Variants in INSL6 observed in about 807,000 individuals in gnomAD.
The protein encoded by INSL6 is insulin like 6.
INSL6 carries 16 observed loss-of-function variants against 9.4 expected under a neutral mutation model. The ratio of observed to expected loss-of-function variants is 1.70; its 90% CI spans 1.15 to 2.59. INSL6 has a LOEUF of 2.59. INSL6 is among the 30% of genes most tolerant of loss of function. INSL6 has a pLI of 0.00. For missense variants in INSL6, 391 were observed against 257.3 expected (o/e 1.52, Z -3.56); for synonymous variants, 154 against 96.9 (o/e 1.59, Z -3.46).
the INSL6 span, among the ~76,000 whole-genome samples, chr9:5,042,124 CTTTTTTTTTT>C: frequency 9.3e-6 from 1 of 107,610 alleles, no homozygotes; most frequent in Non-Finnish European, 1.8e-5. Flanking sequence ...GCCAAAATTT[CTTTTTTTTTT>C]TTTTTTTTTT....
the INSL6 span, among the ~76,000 whole-genome samples, chr9:5,012,256 G>T: frequency 6.6e-6 from 1 of 152,210 alleles, no homozygotes; most frequent in East Asian, 1.9e-4. Flanking sequence ...CAGGATGGAA[G>T]AAGAGTAAGT....
the INSL6 span, among the ~76,000 whole-genome samples, chr9:5,023,443 G>A: frequency 3.3e-5 from 5 of 152,020 alleles, no homozygotes; most frequent in Non-Finnish European, 7.4e-5. Flanking sequence ...CGGGGGGAGC[G>A]TGGGACCCAG....
the INSL6 span, among the ~76,000 whole-genome samples, chr9:5,086,741 GC>G: frequency 6.6e-6 from 1 of 152,034 alleles, no homozygotes; most frequent in Non-Finnish European, 1.5e-5. Context: ...ATAGCCTTTG[GC>G]TTTTTTCAAC....
chr9:5,042,857 G>T, the INSL6 span, among the ~76,000 whole-genome samples: 1 of 152,230 alleles, frequency 6.6e-6, no homozygotes, highest in South Asian at 2.1e-4. Flanking sequence ...ACCAAAGCTC[G>T]GTCGCCACAG....
intron 2 of INSL6, among the ~76,000 whole-genome samples, chr9:5,154,124 GA>G (rs58422193): frequency 0.023 from 3,540 of 152,194 alleles, 127 homozygotes; most frequent in African/African-American, 0.075. Context: ...CCAAAACAGA[GA>G]TACAGACCAA....
the INSL6 span, among the ~76,000 whole-genome samples, chr9:5,113,016 G>C: frequency 3.3e-5 from 5 of 152,014 alleles, no homozygotes; most frequent in Non-Finnish European, 7.4e-5. Flanking sequence ...GGCAAGGAAG[G>C]TGAGTGATGG....
the INSL6 span, among the ~76,000 whole-genome samples, chr9:4,996,416 CTA>C: frequency 1.3e-5 from 2 of 151,408 alleles, no homozygotes; most frequent in Non-Finnish European, 2.9e-5. Flanking sequence ...CCATTGCACT[CTA>C]GCCTGGGCAA....
At chr9:5,018,402 C>T in the INSL6 span, among the ~76,000 whole-genome samples, 3 of 152,134 alleles carry the variant, frequency 2.0e-5, no homozygotes, top group Non-Finnish European at 4.4e-5. Context: ...GTGGTGTGAT[C>T]ATGGCTCACT....
the INSL6 span, among the ~76,000 whole-genome samples, chr9:5,021,772 G>A: frequency 3.9e-5 from 6 of 152,130 alleles, no homozygotes; most frequent in South Asian, 2.1e-4. Context: ...CTACAAGTGC[G>A]TGCTGCCACG....
the INSL6 span, chr9:5,078,308 A>G: frequency 2.5e-6 from 4 of 1,611,154 alleles, no homozygotes; most frequent in Non-Finnish European, 2.5e-6. Context: ...TCTAATAGGA[A>G]GAAAACACCC....
At chr9:5,058,042 G>A in the INSL6 span, among the ~76,000 whole-genome samples, 2 of 152,012 alleles carry the variant, frequency 1.3e-5, no homozygotes, top group African/African-American at 4.8e-5. Context: ...TTTAATATAT[G>A]TATGTATTCT....
intron 1 of INSL6, among the ~76,000 whole-genome samples, chr9:5,168,994 C>T (rs144357490): frequency 5.3e-5 from 8 of 151,500 alleles, no homozygotes; most frequent in Admixed American, 3.3e-4. Context: ...GGCATCATCT[C>T]GGCTCACTGC....
chr9:5,078,396 A>C, the INSL6 span: 1 of 1,613,330 alleles, frequency 6.2e-7, no homozygotes, highest in African/African-American at 1.3e-5. Context: ...TCCTCCTTTC[A>C]TCAAACTTAG....
downstream of INSL6, among the ~76,000 whole-genome samples, chr9:5,119,273 G>A (rs1490371613): frequency 6.6e-6 from 1 of 151,956 alleles, no homozygotes; most frequent in East Asian, 1.9e-4. Context: ...TTTAAAACCT[G>A]AGAAACAAAT....
chr9:5,065,771 C>G, the INSL6 span, among the ~76,000 whole-genome samples: 2 of 152,062 alleles, frequency 1.3e-5, no homozygotes, highest in Non-Finnish European at 2.9e-5. Flanking sequence ...ATGTTGACAA[C>G]AGATTTGAAT....
intron 2 of INSL6, among the ~76,000 whole-genome samples, chr9:5,135,835 G>C (rs1824378515): frequency 6.6e-6 from 1 of 152,000 alleles, no homozygotes; most frequent in Non-Finnish European, 1.5e-5. Context: ...GAATCCAGGA[G>C]CTGGTTTTTT....
At chr9:5,180,372 A>C (rs139650092) in intron 1 of INSL6, among the ~76,000 whole-genome samples, 1,762 of 152,310 alleles carry the variant, frequency 0.012, 27 homozygotes, top group African/African-American at 0.041. Flanking sequence ...AGACAACTGT[A>C]AGGTCTGACT....
chr9:5,132,510 T>A (rs1824310734), intron 3 of INSL6, among the ~76,000 whole-genome samples: 1 of 152,022 alleles, frequency 6.6e-6, no homozygotes, highest in African/African-American at 2.4e-5. Context: ...ACAACTTAGC[T>A]GTTTAACAAT....
chr9:5,023,143 A>C, the INSL6 span, among the ~76,000 whole-genome samples: 2 of 152,176 alleles, frequency 1.3e-5, no homozygotes, highest in African/African-American at 4.8e-5. Flanking sequence ...ATTAACCAAC[A>C]TCTCTTCATT....
Sources: gnomAD v4.1 joint callset for allele counts (sites outside exome capture counted in the v4.1 genomes callset) on GRCh38, gnomAD v4.1.1 for gene constraint, MANE v1.5 for transcripts, NCBI Gene and HGNC (gene_info 2026-07-23, HGNC 2026-07-21) for gene names.